The following MACROD2 variants were observed in gnomAD, a reference collection of about 807,000 sequenced individuals.
MACROD2 encodes the protein ADP-ribose glycohydrolase MACROD2.
In MACROD2, 36 loss-of-function variants were observed where a neutral mutation model predicts 70.4. The ratio of observed to expected loss-of-function variants is 0.51; its 90% confidence interval spans 0.39 to 0.68. MACROD2 has a LOEUF of 0.68. MACROD2 is among the 30% of genes least tolerant of loss of function. MACROD2 has a pLI of 0.00. For synonymous variants in MACROD2, 172 were observed against 178.8 expected (o/e 0.96, Z 0.30); for missense variants, 496 against 538.4 (o/e 0.92, Z 0.78).
intron 5 of MACROD2, among the ~76,000 whole-genome samples, chr20:15,032,566 C>T (rs962564936): frequency 1.3e-5 from 2 of 152,134 alleles, no homozygotes; most frequent in Non-Finnish European, 2.9e-5. Context: ...TCAGAGCTGC[C>T]GACATTTGCT....
chr20:14,372,193 G>A (rs776409773), intron 3 of MACROD2, among the ~76,000 whole-genome samples: 1 of 152,088 alleles, frequency 6.6e-6, no homozygotes, highest in Non-Finnish European at 1.5e-5. Flanking sequence ...ACATCATGCT[G>A]TCCTATTTTA....
chr20:16,023,522 T>C (rs1030906248), intron 15 of MACROD2, among the ~76,000 whole-genome samples: 1 of 147,830 alleles, frequency 6.8e-6, no homozygotes, highest in African/African-American at 2.5e-5. Flanking sequence ...TATGGCCCTC[T>C]AAAAGCAGAT....
At chr20:14,141,674 G>C (rs964030111) in intron 3 of MACROD2, among the ~76,000 whole-genome samples, 1 of 150,904 alleles carries the variant, frequency 6.6e-6, no homozygotes, top group African/African-American at 2.4e-5. Flanking sequence ...GAACCTGGGA[G>C]GCGGAGGTTG....
chr20:14,135,289 T>C (rs2054779796), intron 3 of MACROD2, among the ~76,000 whole-genome samples: 1 of 152,184 alleles, frequency 6.6e-6, no homozygotes, highest in South Asian at 2.1e-4. Flanking sequence ...CAGAAATATA[T>C]ACAGTGATAA....
At chr20:14,766,580 A>G (rs1328955691) in intron 5 of MACROD2, among the ~76,000 whole-genome samples, 3 of 152,178 alleles carry the variant, frequency 2.0e-5, no homozygotes, top group African/African-American at 7.2e-5. Context: ...AATATCTGGA[A>G]AGAAAGGAAA....
At chr20:15,699,138 G>A (rs6043459) in intron 8 of MACROD2, among the ~76,000 whole-genome samples, 27,261 of 152,030 alleles carry the variant, frequency 0.18, 3,190 homozygotes, top group African/African-American at 0.34. Context: ...TGATTTACTG[G>A]GGGGCGTTGA....
intron 3 of MACROD2, among the ~76,000 whole-genome samples, chr20:14,145,982 C>T (rs1377704433): frequency 2.0e-5 from 3 of 152,154 alleles, no homozygotes; most frequent in Non-Finnish European, 4.4e-5. Context: ...TTCTATTGAA[C>T]GGTTCCTTTT....
At chr20:14,436,189 T>C (rs1375811585) in intron 3 of MACROD2, among the ~76,000 whole-genome samples, 1 of 152,216 alleles carries the variant, frequency 6.6e-6, no homozygotes, top group Non-Finnish European at 1.5e-5. Flanking sequence ...AATTTATGTT[T>C]ATCTGTTGAC....
intron 8 of MACROD2, among the ~76,000 whole-genome samples, chr20:15,746,596 T>A (rs995786576): frequency 2.0e-5 from 3 of 150,072 alleles, no homozygotes; most frequent in Admixed American, 6.7e-5. Flanking sequence ...ACGGTGAAAC[T>A]TTCATCATTT....
chr20:15,197,509 G>T (rs1353743313), intron 5 of MACROD2, among the ~76,000 whole-genome samples: 1 of 152,140 alleles, frequency 6.6e-6, no homozygotes, highest in East Asian at 1.9e-4. Context: ...TTAATTTAGG[G>T]GAACAGGAAT....
intron 8 of MACROD2, among the ~76,000 whole-genome samples, chr20:15,597,451 A>G (rs2048760939): frequency 6.6e-6 from 1 of 152,216 alleles, no homozygotes; most frequent in African/African-American, 2.4e-5. Flanking sequence ...GTGTAGGACT[A>G]TCTTGGATTC....
intron 3 of MACROD2, among the ~76,000 whole-genome samples, chr20:14,257,510 T>A (rs563396720): frequency 6.6e-6 from 1 of 152,230 alleles, no homozygotes; most frequent in Non-Finnish European, 1.5e-5. Flanking sequence ...GTATGAAAAC[T>A]CTAAAAGGGA....
At chr20:14,615,356 G>A (rs112184577) in intron 4 of MACROD2, among the ~76,000 whole-genome samples, 20 of 152,172 alleles carry the variant, frequency 1.3e-4, no homozygotes, top group South Asian at 6.2e-4. Flanking sequence ...GAGTGTCACC[G>A]CGTCCATCAC....
At chr20:15,818,169 T>C (rs529203155) in intron 8 of MACROD2, among the ~76,000 whole-genome samples, 7 of 152,260 alleles carry the variant, frequency 4.6e-5, no homozygotes, top group Middle Eastern at 6.8e-3. Context: ...AAGGAAGAAT[T>C]CAGGGAGAGT....
intron 3 of MACROD2, among the ~76,000 whole-genome samples, chr20:14,143,875 A>T (rs945136087): frequency 1.1e-4 from 16 of 152,298 alleles, no homozygotes; most frequent in Middle Eastern, 3.4e-3. Flanking sequence ...TTATTTTTTT[A>T]AAAATATATA....
intron 15 of MACROD2, among the ~76,000 whole-genome samples, chr20:16,015,738 T>C (rs1449693939): frequency 1.3e-5 from 2 of 152,158 alleles, no homozygotes; most frequent in African/African-American, 4.8e-5. Flanking sequence ...AACTTTTTTG[T>C]TATTTTTCCT....
At chr20:14,572,097 G>C (rs1980232152) in intron 4 of MACROD2, among the ~76,000 whole-genome samples, 1 of 151,978 alleles carries the variant, frequency 6.6e-6, no homozygotes, top group Admixed American at 6.6e-5. Context: ...TAGTCCTGCT[G>C]GTACGTGCAA....
chr20:15,430,227 G>A (rs1382034183), intron 6 of MACROD2, among the ~76,000 whole-genome samples: 2 of 151,372 alleles, frequency 1.3e-5, no homozygotes, highest in East Asian at 3.9e-4. Flanking sequence ...TTTTTTTCTT[G>A]TTATAGATAG....
chr20:14,457,532 C>T (rs962917815), intron 3 of MACROD2, among the ~76,000 whole-genome samples: 1 of 152,102 alleles, frequency 6.6e-6, no homozygotes, highest in Non-Finnish European at 1.5e-5. Context: ...TTATACTTCT[C>T]ATCTTAGTTG....
Sources: allele counts gnomAD v4.1 joint callset (sites outside exome capture counted in the v4.1 genomes callset), GRCh38; gene constraint gnomAD v4.1.1; transcripts MANE v1.5; gene names NCBI Gene and HGNC (gene_info 2026-07-23, HGNC 2026-07-21).